The following KMT2A variants were observed in gnomAD, a reference collection of about 807,000 sequenced individuals.
KMT2A encodes the protein lysine methyltransferase 2A.
Under a neutral mutation model 345.3 loss-of-function variants are expected in KMT2A, and 16 were observed. That is an observed-to-expected ratio of 0.05 (90% CI 0.03 to 0.07). KMT2A has a LOEUF of 0.07. Among genes scored for constraint, KMT2A ranks in the 10% least tolerant of loss-of-function variants. The pLI is 1.00. For synonymous variants in KMT2A, 1,599 were observed against 1,778.6 expected (o/e 0.90, Z 2.54); for missense variants, 3,272 against 4,841.6 (o/e 0.68, Z 9.62).
In KMT2A at chr11:118,482,540, T is replaced by C. The variant is rs1555039657; in HGVS notation, c.4086+45T>C. The C allele has an allele frequency of 3.6e-6, 5 of 1,374,518 alleles. No individual in the cohort carries two copies. In the African/African-American group the frequency reaches 4.3e-5, roughly 12 times the overall value. 85.1% of individuals were successfully genotyped at this position (1,374,518 alleles called of 1,614,324 possible). A position where few individuals can be genotyped will look rare whatever the true frequency, so the allele number is the denominator to read the frequency against. ...TCTGCCATTTCTCAGGGATGTATTC[T>C]ATTTTGTAGGGAAAAGCCTTATCCT... On this transcript the variant is annotated intron_variant, in intron 8 of 35. Transcript: ENST00000534358.
At chr11:118,442,717 TC>T (rs879995346) in intron 1 of KMT2A, among the ~76,000 whole-genome samples, 8 of 152,336 alleles carry the variant, frequency 5.3e-5, no homozygotes, top group Admixed American at 1.3e-4. Flanking sequence ...CCTTGTAGGC[TC>T]CACTATTTCT....
rs1951054882 is a variant in KMT2A, at chr11:118,525,149, A to G, written c.*2977A>G. The G allele has an allele frequency of 4.4e-6, 1 of 229,296 alleles. No homozygotes were observed. Among genetic ancestry groups the G allele is most frequent in the South Asian group, 1.8e-4 (1 of 5,492 alleles). 14.2% of individuals were successfully genotyped at this position (229,296 alleles called of 1,614,324 possible). ...CAAACACATCTGAGTTCATTTCAAA[A>G]GTGACCAAGGGAATCTCCGCACAAA... is the stretch of plus-strand genomic sequence containing the variant. On this transcript the variant is annotated 3_prime_UTR_variant, in exon 36 of 36. Coordinates refer to ENST00000534358, the MANE Select transcript of KMT2A (RefSeq NM_001197104.2).
At position 118,510,691 on chromosome 11, in the gene KMT2A, A is replaced by C. The variant is rs1391682537; in HGVS notation, c.11071+573A>C. ...AGCTCTCCATAAGGGCTGGAATTTT[A>C]TTTTCTTATTCATCTTTGTATCGCA... On this transcript the variant is annotated intron_variant, in intron 30 of 35. Coordinates refer to ENST00000534358, the MANE Select transcript of KMT2A (RefSeq NM_001197104.2). The surrounding 1 kb of genome is among the most constrained non-coding windows in gnomAD (Gnocchi z 4.1). 6.6e-6 allele frequency among the ~76,000 whole-genome samples: 1 copy of C among 152,102 alleles called. No homozygotes were observed.
chr11:118,451,207 CTT>C (rs1167567348), intron 1 of KMT2A, among the ~76,000 whole-genome samples: 31 of 120,964 alleles, frequency 2.6e-4, no homozygotes, highest in Admixed American at 2.5e-4. Flanking sequence ...CTATCTAATT[CTT>C]TTTTTTTTTT....
At position 118,472,634 on chromosome 11, in the gene KMT2A, C is replaced by T. The variant is rs1591374549; in HGVS notation, c.1475C>T (p.Ala492Val). The stretch of plus-strand genomic sequence containing the variant: ...GTTGATACCTCCACAGACTCTCAGG[C>T]TTCTGAGGAGATTCAGGTACTTCCT... ...PSVDTSTDSQ[A>V]SEEIQVLPEE... Residue 492 changes from alanine to valine, a missense_variant, in exon 3 of 36, where the codon GCT becomes GTT. Around this residue, in one of 27 missense-constraint regions of KMT2A, gnomAD observed 180 missense variants for 190.7 expected, o/e 0.94. Transcript: ENST00000534358. The T allele has an allele frequency of 2.5e-6, 4 of 1,612,602 alleles. No homozygotes were observed. Among genetic ancestry groups the T allele is most frequent in the Non-Finnish European group, 3.4e-6 (4 of 1,179,816 alleles).
chr11:118,457,433 A>G (rs551965455), intron 1 of KMT2A, among the ~76,000 whole-genome samples: 1 of 146,528 alleles, frequency 6.8e-6, no homozygotes, highest in East Asian at 2.0e-4. Context: ...CGCCTGGCTA[A>G]TTTTTTTTTT....
rs555088832 is a variant in KMT2A, at chr11:118,472,843, C to A, written c.1684C>A (p.Pro562Thr). ...CCAGCAGCAGACCTCCTCGTCTCCACCTCCACCTCTGCTGACTCCACCGCC... is the reference window on the plus strand; with the variant it reads ...CCAGCAGCAGACCTCCTCGTCTCCAACTCCACCTCTGCTGACTCCACCGCC... ...APQQQTSSSPPPPLLTPPPPL... is the reference protein window; with the variant it reads ...APQQQTSSSPTPPLLTPPPPL... Residue 562 changes from proline to threonine, a missense_variant, in exon 3 of 36, where the codon CCT becomes ACT. Physicochemically the swap from Pro to Thr is conservative, Grantham distance 38 (BLOSUM62 -1). This residue lies in a region of KMT2A where 180 missense variants were observed against 190.7 expected (regional missense o/e 0.94). Coordinates refer to ENST00000534358, the MANE Select transcript of KMT2A (RefSeq NM_001197104.2). The A allele has an allele frequency of 6.2e-7, 1 of 1,613,968 alleles. No individual in the cohort carries two copies. Among genetic ancestry groups the A allele is most frequent in the South Asian group, 1.1e-5 (1 of 91,064 alleles).
In KMT2A at chr11:118,500,970, C is replaced by CAA; in HGVS notation, c.6159-15_6159-14dup. The CAA allele has an allele frequency of 6.3e-7, 1 of 1,598,430 alleles. No individual in the cohort carries two copies. Among genetic ancestry groups the CAA allele is most frequent in the Non-Finnish European group, 8.6e-7 (1 of 1,167,760 alleles). ...ATCCTCTCCCTTATGATGATTTTCC[C>CAA]AAATCTGTTTACCCAGGTGTTCCAG... On this transcript the variant is annotated splice_polypyrimidine_tract_variant and intron_variant, in intron 24 of 35. Coordinates refer to ENST00000534358, the MANE Select transcript of KMT2A (RefSeq NM_001197104.2).
At position 118,484,493 on chromosome 11, in the gene KMT2A, T is replaced by C. The variant is rs1311000861; in HGVS notation, c.4218+179T>C. On this transcript the variant is annotated intron_variant, in intron 9 of 35. Coordinates refer to ENST00000534358, the MANE Select transcript of KMT2A (RefSeq NM_001197104.2). The surrounding 1 kb of genome is among the most constrained non-coding windows in gnomAD (Gnocchi z 4.1). ...TTTGGTCAGTGTTGTTAGGTCACTG[T>C]TTGTGAACTGACTGCAGAACATACA... is the stretch of plus-strand genomic sequence containing the variant. 6.6e-6 allele frequency among the ~76,000 whole-genome samples: 1 copy of C among 152,200 alleles called. No homozygotes were observed. The highest frequency in any genetic ancestry group is 1.5e-5 in the Non-Finnish European group (1 of 68,016).
At chr11:118,455,973 G>A (rs1555030729) in intron 1 of KMT2A, among the ~76,000 whole-genome samples, 2 of 152,100 alleles carry the variant, frequency 1.3e-5, no homozygotes, top group East Asian at 3.9e-4. Context: ...ACAGGCATGA[G>A]CCACTGTGCC....
At chr11:118,451,703 GCTGGT>G (rs1314322437) in intron 1 of KMT2A, among the ~76,000 whole-genome samples, 2 of 147,634 alleles carry the variant, frequency 1.4e-5, no homozygotes, top group Non-Finnish European at 3.0e-5. Flanking sequence ...ATCTTATGTA[GCTGGT>G]CTCGAACTCC....
chr11:118,466,181 A>G (rs1282194208), intron 1 of KMT2A, among the ~76,000 whole-genome samples: 1 of 152,076 alleles, frequency 6.6e-6, no homozygotes, highest in Non-Finnish European at 1.5e-5. Flanking sequence ...ATAATTTTAA[A>G]ATTAGCTGAG....
In KMT2A at chr11:118,505,296, C is replaced by A; in HGVS notation, c.9404C>A (p.Thr3135Asn). ...CCCATGGGAGGTGGTCTCACCCTTA[C>A]CACAGGACTAAATCCAAGCTTGCCA... ...LGPMGGGLTL[T>N]TGLNPSLPTS... The change falls in exon 27 of 36, where the codon ACC becomes AAC. Residue 3135 changes from threonine (T) to asparagine (N), a missense_variant. Physicochemically the swap from Thr to Asn is moderately conservative, Grantham distance 65. Transcript: ENST00000534358. This position sits in a 1 kb window ranked among gnomAD's most constrained non-coding sequence, Gnocchi z 4.6. 2 of 1,614,224 alleles carry A rather than the reference C, an allele frequency of 1.2e-6. No homozygotes were observed. Among genetic ancestry groups the A allele is most frequent in the Non-Finnish European group, 1.7e-6 (2 of 1,180,046 alleles).
chr11:118,514,694 C>T (rs782282462), intron 31 of KMT2A, among the ~76,000 whole-genome samples: 9 of 151,994 alleles, frequency 5.9e-5, no homozygotes, highest in East Asian at 1.9e-4. Context: ...AGTGCAATGG[C>T]GCAATCTCGG....
chr11:118,476,493 G>A lies in KMT2A; in HGVS notation c.3157-312G>A, dbSNP rs1302547417. Among the ~76,000 whole-genome samples the A allele has an allele frequency of 6.6e-6, 1 of 152,146 alleles. No individual in the cohort carries two copies. Among genetic ancestry groups the A allele is most frequent in the Non-Finnish European group, 1.5e-5 (1 of 68,034 alleles). ...CTACAGGTGTGTACCACCACGCCCA[G>A]CCAATTTTTAAATTTTGTGTAGAGA... On this transcript the variant is annotated intron_variant, in intron 3 of 35. Transcript: ENST00000534358. This position sits in a 1 kb window ranked among gnomAD's most constrained non-coding sequence, Gnocchi z 4.1.
intron 1 of KMT2A, among the ~76,000 whole-genome samples, chr11:118,459,019 A>G (rs1045948832): frequency 2.0e-5 from 3 of 152,168 alleles, no homozygotes. Flanking sequence ...GTTATTTTCA[A>G]TTGATTCATT....
chr11:118,448,286 C>G (rs1476158819), intron 1 of KMT2A: 1 of 152,130 alleles, frequency 6.6e-6, no homozygotes, highest in Non-Finnish European at 1.5e-5. Flanking sequence ...AGGTATAGTT[C>G]AGAATAGCTC....
At position 118,471,676 on chromosome 11, in the gene KMT2A, C is replaced by G. The variant is rs1555035511; in HGVS notation, c.517C>G (p.Arg173Gly). ...TCTATACACAGTTAAAACTAGTCCT[C>G]GAAAACCTCGTGGGAGACCTAGAAG... ...TRSPSVKTSPRKPRGRPRSGS... is the reference protein window; with the variant it reads ...TRSPSVKTSPGKPRGRPRSGS... Residue 173 changes from arginine to glycine, a missense_variant, in exon 3 of 36, where the codon CGA (arginine) becomes GGA (glycine). This residue lies in a region of KMT2A where 412 missense variants were observed against 511.0 expected (regional missense o/e 0.81). Transcript: ENST00000534358. 2 of 1,583,164 alleles carry G rather than the reference C, an allele frequency of 1.3e-6. No homozygotes were observed.
rs1591356207 is a variant in KMT2A, at chr11:118,454,406, A to G, written c.433-14369A>G. 3.9e-5 allele frequency among the ~76,000 whole-genome samples: 6 copies of G among 152,176 alleles called. 1 individual carries two copies. The South Asian group carries it at 1.2e-3, about 32-fold the overall frequency. Reference sequence around the variant, plus strand: ...CCTGTTGCTGTCTTGGGGCCTTTGCACTTGCTCTCAGGCTAGAACACTACT... The same window carrying G: ...CCTGTTGCTGTCTTGGGGCCTTTGCGCTTGCTCTCAGGCTAGAACACTACT... On this transcript the variant is annotated intron_variant, in intron 1 of 35. Coordinates refer to ENST00000534358, the MANE Select transcript of KMT2A (RefSeq NM_001197104.2).
Sources: gnomAD v4.1 joint callset for allele counts (sites outside exome capture counted in the v4.1 genomes callset) on GRCh38, gnomAD v4.1.1 for gene constraint, gnomAD v4.1.1 regional missense constraint, Gnocchi (gnomAD v3.1) non-coding constraint, MANE v1.5 for transcripts, NCBI Gene and HGNC (gene_info 2026-07-23, HGNC 2026-07-21) for gene names.